The following SPIDR variants were observed in gnomAD, a reference collection of about 807,000 sequenced individuals.
SPIDR encodes the protein scaffold protein involved in DNA repair, also known as DNA repair-scaffolding protein.
A neutral mutation model predicts 104.6 loss-of-function variants in SPIDR; 93 were observed. The observed-to-expected ratio is 0.89, with a 90% CI of 0.75 to 1.06. The LOEUF (loss-of-function observed/expected upper bound fraction) is 1.06, where lower values mean the gene tolerates loss of function less well. Ranked by LOEUF, SPIDR falls within the 50% of genes least tolerant of loss-of-function variation. The probability of loss-of-function intolerance (pLI) is 0.00; values close to 1 mark genes in which losing one functional copy is unlikely to be tolerated. For synonymous variants in SPIDR, 431 were observed against 416.9 expected, an observed-to-expected ratio of 1.03 and a Z score of -0.41; for missense variants, 1,154 against 1,111.2, an observed-to-expected ratio of 1.04 and a Z score of -0.55.
intron 5 of SPIDR, among the ~76,000 whole-genome samples, chr8:47,365,531 T>C (rs2057028413): frequency 6.6e-6 from 1 of 152,150 alleles, no homozygotes; most frequent in African/African-American, 2.4e-5. Flanking sequence ...TGTTTAGCTG[T>C]CCTCTCTAGG....
chr8:47,705,778 C>T (rs766383721), intron 14 of SPIDR, among the ~76,000 whole-genome samples: 5 of 152,118 alleles, frequency 3.3e-5, no homozygotes, highest in Non-Finnish European at 7.4e-5. Flanking sequence ...GTGCTGCATG[C>T]CTATCATCTC....
chr8:47,693,219 G>A (rs1406472959), intron 11 of SPIDR, among the ~76,000 whole-genome samples: 1 of 152,190 alleles, frequency 6.6e-6, no homozygotes, highest in Non-Finnish European at 1.5e-5. Flanking sequence ...TGACATAAAA[G>A]TAGATAAGCT....
chr8:47,641,118 TA>T (rs1054587818), intron 10 of SPIDR, among the ~76,000 whole-genome samples: 12 of 152,016 alleles, frequency 7.9e-5, no homozygotes, highest in Non-Finnish European at 1.8e-4. Context: ...TTAATGCAAA[TA>T]GATATTGCAA....
At chr8:47,381,811 A>G (rs2059364468) in intron 5 of SPIDR, among the ~76,000 whole-genome samples, 1 of 152,262 alleles carries the variant, frequency 6.6e-6, no homozygotes, top group Non-Finnish European at 1.5e-5. Flanking sequence ...CATGTTGGCC[A>G]AGACCAAAGA....
chr8:47,490,510 G>A (rs983013934), intron 8 of SPIDR, among the ~76,000 whole-genome samples: 7 of 152,160 alleles, frequency 4.6e-5, no homozygotes, highest in Non-Finnish European at 1.0e-4. Flanking sequence ...ATACCGAAAG[G>A]ATTATGAATC....
At chr8:47,326,774 G>C (rs1166667048) in intron 5 of SPIDR, among the ~76,000 whole-genome samples, 2 of 152,184 alleles carry the variant, frequency 1.3e-5, no homozygotes, top group Non-Finnish European at 2.9e-5. Context: ...ATTGTAGCAT[G>C]TATCAGTACT....
intron 6 of SPIDR, among the ~76,000 whole-genome samples, chr8:47,399,309 G>A (rs1002894878): frequency 2.0e-5 from 3 of 152,150 alleles, no homozygotes; most frequent in Admixed American, 6.5e-5. Flanking sequence ...TGGCCAGGGC[G>A]GGCAGCACCC....
At chr8:47,445,002 ATG>A (rs1286945686) in intron 8 of SPIDR, among the ~76,000 whole-genome samples, 1 of 152,174 alleles carries the variant, frequency 6.6e-6, no homozygotes, top group Non-Finnish European at 1.5e-5. Context: ...AGTAAAGGGT[ATG>A]TGTTTCGTTT....
intron 8 of SPIDR, among the ~76,000 whole-genome samples, chr8:47,443,081 C>T (rs1433217424): frequency 6.6e-6 from 1 of 152,088 alleles, no homozygotes; most frequent in African/African-American, 2.4e-5. Context: ...AGATTATCTA[C>T]AAAGATTTAT....
chr8:47,312,446 T>C lies in SPIDR; in HGVS notation c.525+18416T>C, dbSNP rs1366307718. On this transcript the variant is annotated intron_variant, in intron 5 of 19. Coordinates refer to ENST00000297423, the MANE Select transcript of SPIDR (RefSeq NM_001080394.4). ...GTGAGATGGTATCTCATTATGGTTT[T>C]GATTTGCATTTCTCTGATGGCCAGT... 2.0e-5 allele frequency among the ~76,000 whole-genome samples: 3 copies of C among 152,368 alleles called. No homozygotes were observed. The East Asian group carries it at 5.8e-4, about 29-fold the overall frequency.
intron 8 of SPIDR, among the ~76,000 whole-genome samples, chr8:47,478,437 C>G (rs1211265221): frequency 6.6e-6 from 1 of 152,112 alleles, no homozygotes; most frequent in Non-Finnish European, 1.5e-5. Context: ...ACAGAAGAAG[C>G]AGGAAGGACA....
At chr8:47,701,929 T>C (rs1364396521) in intron 13 of SPIDR, 27 bp from the exon 14 acceptor site, 2 of 1,614,082 alleles carry the variant, frequency 1.2e-6, no homozygotes, top group South Asian at 2.2e-5. Context: ...CGTGTAATGC[T>C]GCCAACCTTT....
intron 10 of SPIDR, among the ~76,000 whole-genome samples, chr8:47,617,254 A>G (rs959558278): frequency 2.6e-5 from 4 of 152,308 alleles, no homozygotes; most frequent in South Asian, 2.1e-4. Context: ...CTCCCATTTT[A>G]TAATGCCTGG....
intron 5 of SPIDR, among the ~76,000 whole-genome samples, chr8:47,378,263 A>T (rs1254098448): frequency 6.6e-6 from 1 of 152,194 alleles, no homozygotes; most frequent in Non-Finnish European, 1.5e-5. Flanking sequence ...TGTGGCCAAT[A>T]AAATTCCCAA....
chr8:47,449,891 C>T (rs972705670), intron 8 of SPIDR, among the ~76,000 whole-genome samples: 1 of 152,094 alleles, frequency 6.6e-6, no homozygotes, highest in Non-Finnish European at 1.5e-5. Flanking sequence ...ATTTGTCAGC[C>T]CAGTGCAGTG....
chr8:47,463,463 C>T (rs2074273596), intron 8 of SPIDR, among the ~76,000 whole-genome samples: 1 of 151,864 alleles, frequency 6.6e-6, no homozygotes, highest in Non-Finnish European at 1.5e-5. Context: ...GAATTAACAC[C>T]AGTTGTTCTC....
At chr8:47,708,042 G>A (rs2081323932) in intron 14 of SPIDR, among the ~76,000 whole-genome samples, 1 of 152,248 alleles carries the variant, frequency 6.6e-6, no homozygotes, top group South Asian at 2.1e-4. Flanking sequence ...GCTTACGCCT[G>A]TAATCCCAGC....
At chr8:47,437,337 T>C (rs1554692885) in intron 7 of SPIDR, among the ~76,000 whole-genome samples, 2 of 150,378 alleles carry the variant, frequency 1.3e-5, no homozygotes, top group Non-Finnish European at 3.0e-5. Context: ...AGTGAGAATA[T>C]GTGGTGTTTG....
chr8:47,289,791 A>G (rs1311350340), intron 3 of SPIDR, among the ~76,000 whole-genome samples: 1 of 152,194 alleles, frequency 6.6e-6, no homozygotes, highest in African/African-American at 2.4e-5. Context: ...TTAAATTCAC[A>G]TAACATCTTA....
Sources: allele counts gnomAD v4.1 joint callset (sites outside exome capture counted in the v4.1 genomes callset), GRCh38; gene constraint gnomAD v4.1.1; transcripts MANE v1.5; gene names NCBI Gene and HGNC (gene_info 2026-07-23, HGNC 2026-07-21).